The following CFAP92 variants were observed in gnomAD, a reference collection of about 807,000 sequenced individuals.
CFAP92 encodes the protein uncharacterized protein CFAP92.
In CFAP92, 86 loss-of-function variants were observed where a neutral mutation model predicts 106.3. The ratio of observed to expected loss-of-function variants is 0.81; its 90% confidence interval spans 0.68 to 0.97. The LOEUF is 0.97. Ranked by LOEUF, CFAP92 falls within the 50% of genes least tolerant of loss-of-function variation. The pLI, the probability that CFAP92 is intolerant of heterozygous loss-of-function variation, is 0.00. For missense variants in CFAP92, 1,204 were observed against 1,283.8 expected (o/e 0.94, Z 0.95); for synonymous variants, 477 against 506.4 (o/e 0.94, Z 0.78).
At chr3:128,984,165 C>T (rs993150303) in intron 4 of CFAP92, among the ~76,000 whole-genome samples, 7 of 152,164 alleles carry the variant, frequency 4.6e-5, no homozygotes, top group Non-Finnish European at 8.8e-5. Context: ...CCTGAGAAAT[C>T]GAGCAGACGA....
At chr3:129,012,700 A>G in the CFAP92 span, among the ~76,000 whole-genome samples, 15 of 152,198 alleles carry the variant, frequency 9.9e-5, no homozygotes, top group Non-Finnish European at 1.0e-4. Flanking sequence ...GTGGCCATAG[A>G]AGTGGGACAA....
chr3:128,922,456 C>T (rs142005584), intron 12 of CFAP92, among the ~76,000 whole-genome samples: 1 of 152,228 alleles, frequency 6.6e-6, no homozygotes, highest in African/African-American at 2.4e-5. Flanking sequence ...GGAAGCAGCA[C>T]AGTGAAAAGA....
intron 3 of CFAP92, among the ~76,000 whole-genome samples, chr3:128,988,156 C>T (rs565055723): frequency 3.9e-5 from 6 of 152,170 alleles, no homozygotes; most frequent in East Asian, 3.9e-4. Context: ...TGCACACACA[C>T]GTCTGCACAC....
At chr3:129,001,691 G>A (rs1251024949) in intron 1 of CFAP92, 1 of 1,489,910 alleles carries the variant, frequency 6.7e-7, no homozygotes, top group African/African-American at 1.5e-5. Context: ...ACCCGTACCG[G>A]CGACCTGCGC....
intron 1 of CFAP92, among the ~76,000 whole-genome samples, chr3:129,000,013 TTGTTATGTAAGCATCAG>T (rs1361857048): frequency 6.6e-6 from 1 of 152,246 alleles, no homozygotes; most frequent in Non-Finnish European, 1.5e-5. Flanking sequence ...GTTTTTGTTC[TTGTTATGTAAGCATCAG>T]TGTTGTGCAT....
chr3:129,002,285 C>T (rs1396280584), intron 1 of CFAP92: 3 of 1,528,906 alleles, frequency 2.0e-6, no homozygotes, highest in African/African-American at 1.4e-5. Flanking sequence ...ACCTGCGCGC[C>T]GCGCTGCAGA....
At chr3:128,962,137 TCTGA>T (rs1230867357) in intron 9 of CFAP92, among the ~76,000 whole-genome samples, 3 of 152,226 alleles carry the variant, frequency 2.0e-5, no homozygotes, top group Non-Finnish European at 4.4e-5. Context: ...CCCGAGGCTC[TCTGA>T]CTGACTCCTT....
At chr3:128,991,521 G>A (rs868418340) in intron 2 of CFAP92, 81 of 154,916 alleles carry the variant, frequency 5.2e-4, no homozygotes, top group Non-Finnish European at 6.6e-4. Flanking sequence ...CAGGAGGAGA[G>A]CCGGCTGGAA....
At chr3:129,005,123 C>G (rs1945012850), upstream of CFAP92, among the ~76,000 whole-genome samples, 1 of 152,244 alleles carries the variant, frequency 6.6e-6, no homozygotes, top group Non-Finnish European at 1.5e-5. Context: ...GGGGCCATCC[C>G]AGGCATCAGG....
chr3:128,914,457 A>G (rs1323784963), intron 15 of CFAP92, among the ~76,000 whole-genome samples: 1 of 152,182 alleles, frequency 6.6e-6, no homozygotes, highest in Non-Finnish European at 1.5e-5. Flanking sequence ...CGAGGAGGAG[A>G]GGAAGCCATC....
intron 4 of CFAP92, among the ~76,000 whole-genome samples, chr3:128,982,279 T>A (rs1018917011): frequency 6.6e-6 from 1 of 152,246 alleles, no homozygotes; most frequent in Non-Finnish European, 1.5e-5. Context: ...CCTTACACTT[T>A]TATGTTATGG....
intron 12 of CFAP92, 95 bp downstream of exon 12, chr3:128,932,605 G>A (rs1938521231): frequency 8.0e-7 from 1 of 1,252,942 alleles, no homozygotes; most frequent in South Asian, 1.5e-5. Flanking sequence ...AGAGGCAAAT[G>A]TCCCACTCAG....
intron 3 of CFAP92, among the ~76,000 whole-genome samples, 185 bp downstream of exon 3, chr3:128,988,543 A>C (rs571057718): frequency 4.8e-5 from 7 of 145,976 alleles, no homozygotes; most frequent in Admixed American, 3.4e-4. Flanking sequence ...CTGACTCAAC[A>C]AAAAAAAAAA....
upstream of CFAP92, among the ~76,000 whole-genome samples, chr3:129,006,206 A>G (rs1359827314): frequency 6.6e-6 from 1 of 152,242 alleles, no homozygotes; most frequent in Non-Finnish European, 1.5e-5. Context: ...ATTCACAGTT[A>G]CACGATGGCT....
chr3:128,975,012 C>A (rs989792976), intron 7 of CFAP92, among the ~76,000 whole-genome samples: 3 of 151,482 alleles, frequency 2.0e-5, no homozygotes, highest in South Asian at 2.1e-4. Flanking sequence ...CCCAGCTATT[C>A]GGGAGGCTGA....
the CFAP92 span, among the ~76,000 whole-genome samples, chr3:129,012,582 C>G: frequency 4.3e-3 from 656 of 152,318 alleles, 5 homozygotes; most frequent in South Asian, 0.021. Context: ...TTGGCCCAGC[C>G]TGGGTCACAG....
intron 1 of CFAP92, 82 bp downstream of exon 1, chr3:128,993,898 G>C (rs1042012619): frequency 3.2e-6 from 3 of 950,504 alleles, no homozygotes; most frequent in East Asian, 2.3e-4. Context: ...AACACGCATC[G>C]AGGCGAGGCG....
intron 7 of CFAP92, among the ~76,000 whole-genome samples, chr3:128,972,457 G>T (rs1179508835): frequency 6.6e-6 from 1 of 151,978 alleles, no homozygotes; most frequent in African/African-American, 2.4e-5. Context: ...GGCCAGGCTG[G>T]TCTCGAACTC....
the CFAP92 span, among the ~76,000 whole-genome samples, chr3:129,016,194 A>T: frequency 6.6e-6 from 1 of 152,304 alleles, no homozygotes. Flanking sequence ...TCAAACACTA[A>T]GCTACAGTTG....
Sources: gnomAD v4.1 joint callset for allele counts (sites outside exome capture counted in the v4.1 genomes callset) on GRCh38, gnomAD v4.1.1 for gene constraint, MANE v1.5 for transcripts, NCBI Gene and HGNC (gene_info 2026-07-23, HGNC 2026-07-21) for gene names.